IGF2BP3: variants seen among roughly 807,000 people sequenced by gnomAD.
The protein encoded by IGF2BP3 is insulin-like growth factor 2 mRNA-binding protein 3.
Under a neutral mutation model 73.8 loss-of-function variants are expected in IGF2BP3, and 9 were observed. That is an observed-to-expected ratio of 0.12 (90% confidence interval 0.07 to 0.21). IGF2BP3 has a LOEUF of 0.21. Among genes scored for constraint, IGF2BP3 ranks in the 10% least tolerant of loss-of-function variants. IGF2BP3 has a pLI of 1.00. For missense variants in IGF2BP3, 542 were observed against 714.0 expected, an observed-to-expected ratio of 0.76 and a Z score of 2.75; for synonymous variants, 258 against 256.7, an observed-to-expected ratio of 1.01 and a Z score of -0.05.
intron 2 of IGF2BP3, among the ~76,000 whole-genome samples, chr7:23,420,058 A>G (rs1033019952): frequency 3.9e-5 from 6 of 152,246 alleles, no homozygotes; most frequent in African/African-American, 1.4e-4. Flanking sequence ...ACTATACCAT[A>G]GAAGTCACAT....
At chr7:23,457,233 C>T (rs958734540) in intron 2 of IGF2BP3, among the ~76,000 whole-genome samples, 1 of 152,078 alleles carries the variant, frequency 6.6e-6, no homozygotes, top group African/African-American at 2.4e-5. Context: ...GAGGCTAAGG[C>T]AGGAGGATCA....
chr7:23,375,777 T>C (rs1473581514), intron 3 of IGF2BP3, among the ~76,000 whole-genome samples: 1 of 152,152 alleles, frequency 6.6e-6, no homozygotes, highest in Non-Finnish European at 1.5e-5. Context: ...TAAAGCTTAG[T>C]TTAAAAGTAA....
At chr7:23,323,403 C>G (rs1199034600) in intron 10 of IGF2BP3, among the ~76,000 whole-genome samples, 1 of 144,892 alleles carries the variant, frequency 6.9e-6, no homozygotes, top group East Asian at 2.0e-4. Flanking sequence ...AATACAGGAG[C>G]ACCCAGATTC....
Position 23,412,374 on chromosome 7 carries a change from G to GA in IGF2BP3, c.285+6401dup, listed in dbSNP as rs779809536. On this transcript the variant is annotated intron_variant, in intron 3 of 14. Coordinates refer to ENST00000258729, the MANE Select transcript of IGF2BP3 (RefSeq NM_006547.3). ...ATCTTCCCAGATCAATTAAGTCCAG[G>GA]AAAAAAATCAAATATGCAAGTGTTG... Among the ~76,000 whole-genome samples, 25 of 152,136 alleles carry GA rather than the reference G, an allele frequency of 1.6e-4. 1 individual carries two copies. The highest frequency in any genetic ancestry group is 9.8e-4 in the Admixed American group (15 of 15,284).
At chr7:23,468,565 A>T in intron 1 of IGF2BP3, 23 bp from the exon 2 acceptor site, 1 of 1,613,502 alleles carries the variant, frequency 6.2e-7, no homozygotes, top group South Asian at 1.1e-5. Context: ...AAGAAGTGAG[A>T]CGGTCGGCCG....
At chr7:23,405,621 G>A (rs765261856) in intron 3 of IGF2BP3, among the ~76,000 whole-genome samples, 6 of 152,144 alleles carry the variant, frequency 3.9e-5, no homozygotes, top group African/African-American at 7.2e-5. Context: ...CAATGGCAGC[G>A]TTAGATTCTC....
intron 3 of IGF2BP3, among the ~76,000 whole-genome samples, chr7:23,375,629 C>T (rs935974410): frequency 6.6e-6 from 1 of 152,148 alleles, no homozygotes; most frequent in Non-Finnish European, 1.5e-5. Context: ...CTGATTACAA[C>T]TCCAAACATA....
At chr7:23,373,856 C>T (rs1252594982) in intron 3 of IGF2BP3, among the ~76,000 whole-genome samples, 4 of 152,134 alleles carry the variant, frequency 2.6e-5, no homozygotes, top group Non-Finnish European at 5.9e-5. Context: ...TGATTTATTG[C>T]TCTGTGAGCT....
chr7:23,379,250 C>T (rs1164469279), intron 3 of IGF2BP3, among the ~76,000 whole-genome samples: 2 of 152,190 alleles, frequency 1.3e-5, no homozygotes, highest in Non-Finnish European at 2.9e-5. Context: ...TCCCCACACC[C>T]ACTGTTGCTC....
At chr7:23,315,769 A>C (rs1783972951) in intron 12 of IGF2BP3, among the ~76,000 whole-genome samples, 1 of 152,230 alleles carries the variant, frequency 6.6e-6, no homozygotes, top group Non-Finnish European at 1.5e-5. Flanking sequence ...TTGAATTTGT[A>C]AGGAAAAATA....
At chr7:23,390,281 G>C (rs945116814) in intron 3 of IGF2BP3, among the ~76,000 whole-genome samples, 13 of 151,758 alleles carry the variant, frequency 8.6e-5, no homozygotes, top group Admixed American at 5.2e-4. Context: ...AGATATTTTT[G>C]AACTTTACTT....
At chr7:23,451,957 A>G (rs1788209315) in intron 2 of IGF2BP3, among the ~76,000 whole-genome samples, 1 of 151,208 alleles carries the variant, frequency 6.6e-6, no homozygotes, top group Non-Finnish European at 1.5e-5. Flanking sequence ...AAAAAAAGGA[A>G]TATATGGTTA....
chr7:23,322,765 T>C (rs9771418), intron 10 of IGF2BP3, among the ~76,000 whole-genome samples: 5,968 of 152,166 alleles, frequency 0.039, 186 homozygotes, highest in South Asian at 0.1. Flanking sequence ...GGGGCCGATA[T>C]TCAACATTCT....
At chr7:23,415,452 T>C in intron 3 of IGF2BP3, 1 of 154,442 alleles carries the variant, frequency 6.5e-6, no homozygotes, top group Non-Finnish European at 1.3e-5. Flanking sequence ...CATCCGCAGG[T>C]CCCCCTCCGT....
At chr7:23,388,160 A>G (rs1215479954) in intron 3 of IGF2BP3, among the ~76,000 whole-genome samples, 2 of 151,950 alleles carry the variant, frequency 1.3e-5, no homozygotes, top group Non-Finnish European at 2.9e-5. Context: ...GATGGTCTCA[A>G]TCTCCTGACC....
At chr7:23,436,235 G>A (rs1787806016) in intron 2 of IGF2BP3, among the ~76,000 whole-genome samples, 1 of 152,204 alleles carries the variant, frequency 6.6e-6, no homozygotes, top group Admixed American at 6.5e-5. Context: ...TAATACCAGT[G>A]AGTTAGTGTC....
At chr7:23,355,439 C>T (rs555497288) in intron 5 of IGF2BP3, among the ~76,000 whole-genome samples, 100 of 152,070 alleles carry the variant, frequency 6.6e-4, no homozygotes, top group Middle Eastern at 6.8e-3. Flanking sequence ...CCATGTTGGT[C>T]AGGCTGGTCT....
At chr7:23,433,508 AGG>A (rs1787739153) in intron 2 of IGF2BP3, among the ~76,000 whole-genome samples, 1 of 148,942 alleles carries the variant, frequency 6.7e-6, no homozygotes, top group African/African-American at 2.5e-5. Flanking sequence ...TTTTTGAGAC[AGG>A]GTTTTTGCTC....
intron 8 of IGF2BP3, 49 bp from the exon 9 acceptor site, chr7:23,343,902 G>A (rs371599839): frequency 1.7e-5 from 27 of 1,583,916 alleles, no homozygotes; most frequent in African/African-American, 2.7e-5. Context: ...ATTGGAGGAA[G>A]ACAGCTAATA....
Sources: gnomAD v4.1 joint callset for allele counts (sites outside exome capture counted in the v4.1 genomes callset) on GRCh38, gnomAD v4.1.1 for gene constraint, MANE v1.5 for transcripts, NCBI Gene and HGNC (gene_info 2026-07-23, HGNC 2026-07-21) for gene names.